The following KLF8 variants were observed in gnomAD, a reference collection of about 807,000 sequenced individuals.
KLF8 encodes the protein Krueppel-like factor 8.
A neutral mutation model predicts 18.2 loss-of-function variants in KLF8; 10 were observed. The observed-to-expected ratio is 0.55, with a 90% CI of 0.34 to 0.93. KLF8 has a LOEUF of 0.93. Ranked by LOEUF, KLF8 falls within the 40% of genes least tolerant of loss-of-function variation. The pLI, the probability that KLF8 is intolerant of heterozygous loss-of-function variation, is 0.02. For synonymous variants in KLF8, 109 were observed against 97.3 expected (o/e 1.12, Z -0.71); for missense variants, 264 against 277.9 (o/e 0.95, Z 0.36).
Position 56,286,194 on chromosome X carries a change from C to A in KLF8, c.*1700C>A, listed in dbSNP as rs1047399132. 2 of 111,370 alleles carry A rather than the reference C, an allele frequency of 1.8e-5. No homozygotes were observed. The highest frequency in any genetic ancestry group is 9.5e-5 in the Admixed American group (1 of 10,481). 9.2% of individuals were successfully genotyped at this position (111,370 alleles called of 1,213,427 possible). On this transcript the variant is annotated 3_prime_UTR_variant, in exon 6 of 6. Coordinates refer to ENST00000468660, the MANE Select transcript of KLF8 (RefSeq NM_007250.5). ...TTGAGAGACGGTTTCACTCCATCACCCAGGCTGGAGTGCAGTGGCGTAATC... is the reference window on the plus strand; with the variant it reads ...TTGAGAGACGGTTTCACTCCATCACACAGGCTGGAGTGCAGTGGCGTAATC...
chrX:56,058,547 C>T, the KLF8 span, among the ~76,000 whole-genome samples: 1 of 101,003 alleles, frequency 9.9e-6, no homozygotes, highest in Non-Finnish European at 2.0e-5. Flanking sequence ...GTTTCCTTCC[C>T]TGTGTTCACG....
chrX:56,243,249 G>T, intron 1 of KLF8: 1 of 441,725 alleles, frequency 2.3e-6, no homozygotes, highest in Non-Finnish European at 4.2e-6. Context: ...CTACAGAGTC[G>T]CAGTGACTTG....
the KLF8 span, among the ~76,000 whole-genome samples, chrX:55,909,321 C>T: frequency 1.8e-5 from 2 of 112,491 alleles, no homozygotes; most frequent in African/African-American, 3.2e-5. Context: ...GGAGGTGCAC[C>T]GTGGGCAATG....
intron 2 of KLF8, among the ~76,000 whole-genome samples, chrX:56,252,558 C>A (rs1283756337): frequency 8.9e-6 from 1 of 112,141 alleles, no homozygotes; most frequent in Admixed American, 9.4e-5. Context: ...GGATCTCATT[C>A]TTTTTATGGC....
chrX:56,214,704 G>A, the KLF8 span, among the ~76,000 whole-genome samples: 3 of 112,337 alleles, frequency 2.7e-5, no homozygotes, highest in Non-Finnish European at 5.6e-5. Flanking sequence ...CCAATCAGTT[G>A]TGGTACTTTG....
the KLF8 span, among the ~76,000 whole-genome samples, chrX:56,140,184 G>T: frequency 2.7e-5 from 3 of 112,235 alleles, no homozygotes; most frequent in Non-Finnish European, 5.6e-5. Context: ...CAGCCACTGT[G>T]GAAAGCAGTT....
At chrX:56,205,971 T>G in the KLF8 span, among the ~76,000 whole-genome samples, 1 of 111,865 alleles carries the variant, frequency 8.9e-6, no homozygotes, top group African/African-American at 3.3e-5. Flanking sequence ...TGGGGAGACC[T>G]CACAATCATG....
At chrX:55,936,748 G>A in the KLF8 span, among the ~76,000 whole-genome samples, 1 of 111,764 alleles carries the variant, frequency 8.9e-6, no homozygotes, top group East Asian at 2.8e-4. Flanking sequence ...CTGGTTCAGA[G>A]AGTCCTACGC....
chrX:55,954,706 A>G, the KLF8 span, among the ~76,000 whole-genome samples: 1 of 112,064 alleles, frequency 8.9e-6, no homozygotes, highest in Non-Finnish European at 1.9e-5. Context: ...AGAAATGAAA[A>G]TATATATCCA....
intron 2 of KLF8, among the ~76,000 whole-genome samples, chrX:56,261,984 A>G (rs987268395): frequency 8.9e-6 from 1 of 111,966 alleles, no homozygotes; most frequent in Non-Finnish European, 1.9e-5. Flanking sequence ...TTGCTACAAG[A>G]TAGATTCACT....
chrX:56,029,464 T>C, the KLF8 span, among the ~76,000 whole-genome samples: 1 of 110,844 alleles, frequency 9.0e-6, no homozygotes, highest in Non-Finnish European at 1.9e-5. Flanking sequence ...TTGCTCCTAT[T>C]ATATCAGCGG....
chrX:55,938,681 T>G, the KLF8 span, among the ~76,000 whole-genome samples: 1 of 110,348 alleles, frequency 9.1e-6, no homozygotes, highest in Non-Finnish European at 1.9e-5. Context: ...TGGAGGAAGA[T>G]CTACCAAGCA....
At chrX:56,087,421 G>T in the KLF8 span, among the ~76,000 whole-genome samples, 18 of 110,026 alleles carry the variant, frequency 1.6e-4, no homozygotes, top group African/African-American at 5.6e-4. Flanking sequence ...ATTTAAAAGT[G>T]TATAGCACCC....
chrX:56,160,517 G>A, the KLF8 span, among the ~76,000 whole-genome samples: 2 of 111,110 alleles, frequency 1.8e-5, no homozygotes, highest in African/African-American at 3.3e-5. Flanking sequence ...CTATTGTGTG[G>A]GAGTCTAAGT....
At chrX:56,066,621 AG>A in the KLF8 span, among the ~76,000 whole-genome samples, 1 of 111,688 alleles carries the variant, frequency 9.0e-6, no homozygotes, top group African/African-American at 3.3e-5. Flanking sequence ...TGGGGGTAGC[AG>A]GCTCACTGTT....
the KLF8 span, among the ~76,000 whole-genome samples, chrX:56,040,139 G>A: frequency 9.0e-6 from 1 of 110,926 alleles, no homozygotes; most frequent in African/African-American, 3.3e-5. Flanking sequence ...AGACAATGGG[G>A]GCTTCAAGAT....
At chrX:56,021,489 A>G in the KLF8 span, among the ~76,000 whole-genome samples, 1 of 111,202 alleles carries the variant, frequency 9.0e-6, no homozygotes, top group Non-Finnish European at 1.9e-5. Context: ...TTGATTATAT[A>G]TAAAGGGGTA....
the KLF8 span, among the ~76,000 whole-genome samples, chrX:55,960,837 C>T: frequency 4.5e-5 from 5 of 111,650 alleles, no homozygotes; most frequent in Admixed American, 9.5e-5. Context: ...TCTCACATAT[C>T]AGACTAACCT....
the KLF8 span, among the ~76,000 whole-genome samples, chrX:56,213,296 TTTCTTTTCTTTTCTTTTC>T: frequency 2.1e-3 from 99 of 47,650 alleles, no homozygotes; most frequent in African/African-American, 8.3e-3. Context: ...TTTCTTTTCT[TTTCTTTTCTTTTCTTTTC>T]TTTTTTTTTT....
Sources: gnomAD v4.1 joint callset for allele counts (sites outside exome capture counted in the v4.1 genomes callset) on GRCh38, gnomAD v4.1.1 for gene constraint, MANE v1.5 for transcripts, NCBI Gene and HGNC (gene_info 2026-07-23, HGNC 2026-07-21) for gene names.